LUZP2: variants seen among roughly 807,000 people sequenced by gnomAD.
LUZP2 encodes the protein leucine zipper protein 2.
In LUZP2, 52 loss-of-function variants were observed where a neutral mutation model predicts 51.6. The ratio of observed to expected loss-of-function variants is 1.01; its 90% confidence interval spans 0.81 to 1.27. The LOEUF is 1.27. Among genes scored for constraint, LUZP2 ranks in the 50% most tolerant of loss-of-function variants. LUZP2 has a pLI of 0.00. For synonymous variants in LUZP2, 154 were observed against 137.3 expected, an observed-to-expected ratio of 1.12 and a Z score of -0.85; for missense variants, 436 against 395.4, an observed-to-expected ratio of 1.10 and a Z score of -0.87.
At chr11:24,517,042 T>C (rs748086730) in intron 1 of LUZP2, among the ~76,000 whole-genome samples, 2 of 152,192 alleles carry the variant, frequency 1.3e-5, no homozygotes, top group Non-Finnish European at 2.9e-5. Context: ...GAACCTTTCC[T>C]AATACAAAAT....
chr11:25,061,831 G>T (rs1858847206), intron 10 of LUZP2, among the ~76,000 whole-genome samples: 1 of 151,886 alleles, frequency 6.6e-6, no homozygotes, highest in Non-Finnish European at 1.5e-5. Context: ...AATTATACAT[G>T]CATAAAGAGA....
intron 1 of LUZP2, among the ~76,000 whole-genome samples, chr11:24,599,330 A>G (rs1853546548): frequency 6.6e-6 from 1 of 152,138 alleles, no homozygotes; most frequent in Admixed American, 6.6e-5. Flanking sequence ...GATTCAATTT[A>G]TAAGTGAATT....
chr11:24,568,410 C>G (rs1223279846), intron 1 of LUZP2, among the ~76,000 whole-genome samples: 6 of 147,020 alleles, frequency 4.1e-5, no homozygotes, highest in African/African-American at 7.4e-5. Context: ...ACAAAATAGA[C>G]TTTTTTAGGA....
At chr11:24,794,677 T>A (rs1471163405) in intron 5 of LUZP2, among the ~76,000 whole-genome samples, 1 of 152,136 alleles carries the variant, frequency 6.6e-6, no homozygotes, top group Non-Finnish European at 1.5e-5. Flanking sequence ...TGAAAGGTGT[T>A]CTTTTGCTGA....
intron 5 of LUZP2, among the ~76,000 whole-genome samples, chr11:24,803,425 C>T (rs980920896): frequency 6.6e-6 from 1 of 152,064 alleles, no homozygotes; most frequent in Non-Finnish European, 1.5e-5. Context: ...GGAATCCTTG[C>T]ACACTCTAAA....
At chr11:24,587,621 T>C (rs1475002125) in intron 1 of LUZP2, among the ~76,000 whole-genome samples, 1 of 152,144 alleles carries the variant, frequency 6.6e-6, no homozygotes, top group Non-Finnish European at 1.5e-5. Context: ...GGAAATTTTT[T>C]AGAGTTATTT....
At chr11:24,954,596 CTA>C (rs1488413066) in intron 7 of LUZP2, among the ~76,000 whole-genome samples, 1 of 152,004 alleles carries the variant, frequency 6.6e-6, no homozygotes, top group Non-Finnish European at 1.5e-5. Context: ...CTAGCTGAAT[CTA>C]TGAGACTGTG....
chr11:24,748,362 C>T (rs1795704436), intron 4 of LUZP2, among the ~76,000 whole-genome samples: 2 of 152,186 alleles, frequency 1.3e-5, no homozygotes, highest in Non-Finnish European at 2.9e-5. Context: ...GTCTCCCTTT[C>T]CCAATTCCAC....
chr11:24,509,115 T>G (rs1850227575), intron 1 of LUZP2, among the ~76,000 whole-genome samples: 1 of 152,136 alleles, frequency 6.6e-6, no homozygotes, highest in African/African-American at 2.4e-5. Flanking sequence ...GCACAGTAGG[T>G]TCTTGCCCGC....
chr11:25,036,893 G>A (rs1211239988), intron 9 of LUZP2, among the ~76,000 whole-genome samples: 1 of 152,020 alleles, frequency 6.6e-6, no homozygotes, highest in African/African-American at 2.4e-5. Flanking sequence ...GTCTCTCTTA[G>A]AATATGTTCT....
At chr11:24,934,307 C>T (rs1244349754) in intron 7 of LUZP2, among the ~76,000 whole-genome samples, 2 of 152,144 alleles carry the variant, frequency 1.3e-5, no homozygotes, top group African/African-American at 4.8e-5. Context: ...ATTTAGAAAC[C>T]ATTGCTTTAC....
chr11:24,634,783 G>A (rs1398891260), intron 1 of LUZP2, among the ~76,000 whole-genome samples: 1 of 152,074 alleles, frequency 6.6e-6, no homozygotes, highest in Non-Finnish European at 1.5e-5. Flanking sequence ...AAAATTAAAG[G>A]CGGTACTGGA....
intron 9 of LUZP2, among the ~76,000 whole-genome samples, chr11:25,013,549 A>G (rs1309652586): frequency 1.3e-5 from 2 of 152,138 alleles, no homozygotes; most frequent in Non-Finnish European, 2.9e-5. Context: ...AGATATATTT[A>G]ATATAACTAT....
chr11:24,796,860 T>G (rs1849562596), intron 5 of LUZP2, among the ~76,000 whole-genome samples: 1 of 152,106 alleles, frequency 6.6e-6, no homozygotes. Context: ...TAAATCCTCC[T>G]CATTAACAGC....
chr11:24,642,786 A>T lies in LUZP2; in HGVS notation c.63-86383A>T, dbSNP rs540115452. ...GAAAGTGGTTTTTCTTTTGCCAAGT[A>T]GCAGGGTGGAAGTTATTGAATGGAA... On this transcript the variant is annotated intron_variant, in intron 1 of 11. Coordinates refer to ENST00000336930, the MANE Select transcript of LUZP2 (RefSeq NM_001009909.4). Among the ~76,000 whole-genome samples the T allele has an allele frequency of 8.0e-4, 119 of 149,562 alleles. 1 individual carries two copies. Among genetic ancestry groups the T allele is most frequent in the Non-Finnish European group, 1.5e-3 (101 of 68,004 alleles).
intron 10 of LUZP2, among the ~76,000 whole-genome samples, chr11:25,057,819 A>AG (rs1858731964): frequency 6.6e-6 from 1 of 152,026 alleles, no homozygotes; most frequent in Non-Finnish European, 1.5e-5. Flanking sequence ...TCTATTCAAC[A>AG]TAAAAATATT....
chr11:24,860,082 T>C (rs1851692761), intron 5 of LUZP2, among the ~76,000 whole-genome samples: 1 of 152,088 alleles, frequency 6.6e-6, no homozygotes, highest in South Asian at 2.1e-4. Context: ...TCTCTATAGC[T>C]CCAGGCTACG....
intron 5 of LUZP2, among the ~76,000 whole-genome samples, chr11:24,771,584 G>C (rs74326130): frequency 0.081 from 12,178 of 151,122 alleles, 1,068 homozygotes; most frequent in African/African-American, 0.22. Flanking sequence ...GTTCTTACTA[G>C]TACTAATGAA....
chr11:25,004,409 G>C (rs1856777872), intron 9 of LUZP2, among the ~76,000 whole-genome samples: 1 of 152,080 alleles, frequency 6.6e-6, no homozygotes, highest in Admixed American at 6.6e-5. Context: ...GCCTTTCTCT[G>C]ATCTCGCTTT....
Sources: gnomAD v4.1 joint callset for allele counts (sites outside exome capture counted in the v4.1 genomes callset) on GRCh38, gnomAD v4.1.1 for gene constraint, MANE v1.5 for transcripts, NCBI Gene and HGNC (gene_info 2026-07-23, HGNC 2026-07-21) for gene names.